Variants in ZCCHC2 observed in about 807,000 individuals in gnomAD.
The protein encoded by ZCCHC2 is zinc finger CCHC-type containing 2, also known as zinc finger CCHC domain-containing protein 2.
In ZCCHC2, 39 loss-of-function variants were observed where a neutral mutation model predicts 103.6. The observed-to-expected ratio is 0.38, with a 90% confidence interval of 0.29 to 0.49. The LOEUF is 0.49. Among genes scored for constraint, ZCCHC2 ranks in the 20% least tolerant of loss-of-function variants. The pLI is 0.96. For missense variants in ZCCHC2, 1,483 were observed against 1,491.0 expected, an observed-to-expected ratio of 0.99 and a Z score of 0.09; for synonymous variants, 687 against 608.9, an observed-to-expected ratio of 1.13 and a Z score of -1.89.
intron 11 of ZCCHC2, among the ~76,000 whole-genome samples, chr18:62,566,540 G>A (rs995103041): frequency 1.3e-5 from 2 of 152,190 alleles, no homozygotes; most frequent in African/African-American, 4.8e-5. Flanking sequence ...TGCCGTGTTT[G>A]TTTTCTAAAA....
At chr18:62,528,665 AC>A (rs1214179202) in intron 1 of ZCCHC2, among the ~76,000 whole-genome samples, 2 of 152,120 alleles carry the variant, frequency 1.3e-5, no homozygotes, top group Non-Finnish European at 2.9e-5. Flanking sequence ...TACTTGATAG[AC>A]CAAGTACTTT....
Position 62,574,895 on chromosome 18 carries a change from A to G in ZCCHC2, c.2814A>G (p.Thr938=). 6.2e-7 allele frequency: 1 copy of G among 1,613,896 alleles called. No homozygotes were observed. Among genetic ancestry groups the G allele is most frequent in the Non-Finnish European group, 8.5e-7 (1 of 1,179,886 alleles). The stretch of plus-strand genomic sequence containing the variant: ...GCCAGAACTCCAGTGTGCTCAGCAC[A>G]GCAGCAACTTCTCCCCAGCCAGCGA... ...LPSQNSSVLS[T]AATSPQPASA... The change falls in exon 13 of 14, where the codon ACA becomes ACG. Residue 938 remains threonine, a synonymous_variant. Transcript: ENST00000269499.
Position 62,563,077 on chromosome 18 carries a change from T to C in ZCCHC2, c.1619T>C (p.Val540Ala). The change falls in exon 9 of 14, where the codon GTG (valine) becomes GCG (alanine). Residue 540 changes from valine to alanine, a missense_variant. By Grantham distance (64) the Val-to-Ala change is moderately conservative. Around this residue, in one of 3 missense-constraint regions of ZCCHC2, gnomAD observed 884 missense variants for 907.5 expected, o/e 0.97. Coordinates refer to ENST00000269499, the MANE Select transcript of ZCCHC2 (RefSeq NM_017742.6). ...CAATATTCTGAACAGAATGGAATTG[T>C]GGATTGGAGGAAGCAAAGCTGTACC... ...TMQYSEQNGIVDWRKQSCTTI... is the reference protein window; with the variant it reads ...TMQYSEQNGIADWRKQSCTTI... The C allele has an allele frequency of 6.2e-7, 1 of 1,614,006 alleles. No homozygotes were observed. The highest frequency in any genetic ancestry group is 1.1e-5 in the South Asian group (1 of 91,082).
intron 12 of ZCCHC2, among the ~76,000 whole-genome samples, chr18:62,572,072 T>G (rs1329499634): frequency 2.0e-5 from 3 of 152,146 alleles, no homozygotes; most frequent in Non-Finnish European, 2.9e-5. Context: ...ATGAGAGGAT[T>G]TTTTTCGTCT....
At chr18:62,553,509 C>T (rs1294809168) in intron 5 of ZCCHC2, among the ~76,000 whole-genome samples, 1 of 151,492 alleles carries the variant, frequency 6.6e-6, no homozygotes, top group African/African-American at 2.4e-5. Context: ...CCAGGCTTAT[C>T]TCAAACTCCT....
chr18:62,525,510 A>G (rs1439224264), intron 1 of ZCCHC2: 1 of 151,986 alleles, frequency 6.6e-6, no homozygotes, highest in Non-Finnish European at 1.5e-5. Flanking sequence ...TTAATTCAGT[A>G]TATATATATC....
rs563522983 is a variant in ZCCHC2 at position 62,529,433 on chromosome 18, G to T, written c.939+5070G>T. On this transcript the variant is annotated intron_variant, in intron 1 of 13. Transcript: ENST00000269499. ...ATTAGCTGTTGCAGGTGAAAGCTCA[G>T]CCTTGTGTGGATGGTGGTGGTAGAG... Among the ~76,000 whole-genome samples the T allele has an allele frequency of 2.6e-5, 4 of 152,272 alleles. No individual in the cohort carries two copies. In the South Asian group the frequency reaches 8.3e-4, roughly 32 times the overall value.
chr18:62,582,464 G>C (rs1255836419), downstream of ZCCHC2, among the ~76,000 whole-genome samples: 3 of 151,370 alleles, frequency 2.0e-5, no homozygotes, highest in Non-Finnish European at 4.4e-5. Flanking sequence ...GATTACTTGA[G>C]GTCAGAAGTT....
intron 8 of ZCCHC2, among the ~76,000 whole-genome samples, chr18:62,561,112 T>A (rs1035007743): frequency 3.9e-5 from 6 of 152,208 alleles, no homozygotes; most frequent in Admixed American, 6.5e-5. Context: ...ACTCATTCCT[T>A]CCTGTGTCTC....
At chr18:62,527,021 C>CA (rs1914452391) in intron 1 of ZCCHC2, 1 of 69,484 alleles carries the variant, frequency 1.4e-5, no homozygotes, top group Non-Finnish European at 3.3e-5. Context: ...CCCCGCCCCC[C>CA]CCCCCCCCGA....
rs927339258 is a variant in ZCCHC2, at chr18:62,578,168, T to C, written c.*1589T>C. On this transcript the variant is annotated 3_prime_UTR_variant, in exon 14 of 14. Transcript: ENST00000269499. ...AACTTTCTTTCAGGGGTGGGAGTTATGGGGAAGGGGTGGGTGTGAAGGGGT... is the reference window on the plus strand; with the variant it reads ...AACTTTCTTTCAGGGGTGGGAGTTACGGGGAAGGGGTGGGTGTGAAGGGGT... 11 of 149,468 alleles carry C rather than the reference T, an allele frequency of 7.4e-5. No homozygotes were observed. Among genetic ancestry groups the C allele is most frequent in the Non-Finnish European group, 8.9e-5 (6 of 67,210 alleles). The allele number at this position is 149,468 out of a possible 1,614,324, so 9.3% of individuals were successfully genotyped here. A position where few individuals can be genotyped will look rare whatever the true frequency, so the allele number is the denominator to read the frequency against.
intron 11 of ZCCHC2, 38 bp from the exon 12 acceptor site, chr18:62,570,065 C>G: frequency 6.6e-7 from 1 of 1,523,496 alleles, no homozygotes; most frequent in Non-Finnish European, 8.8e-7. Flanking sequence ...TTTAAAATGA[C>G]TTAACATGAT....
At chr18:62,557,949 G>A (rs1195438718) in intron 6 of ZCCHC2, among the ~76,000 whole-genome samples, 4 of 151,876 alleles carry the variant, frequency 2.6e-5, no homozygotes, top group Non-Finnish European at 5.9e-5. Flanking sequence ...TCAGCCTAAC[G>A]TTCTTACATA....
chr18:62,536,652 C>T (rs1914942320), intron 1 of ZCCHC2, among the ~76,000 whole-genome samples: 2 of 152,196 alleles, frequency 1.3e-5, no homozygotes, highest in African/African-American at 4.8e-5. Context: ...ATCTCCAGCT[C>T]ATGCAGCGTT....
At chr18:62,536,702 C>T (rs996648662) in intron 1 of ZCCHC2, among the ~76,000 whole-genome samples, 3 of 152,118 alleles carry the variant, frequency 2.0e-5, no homozygotes, top group Admixed American at 1.3e-4. Context: ...ACATAGTCTA[C>T]GTGATTTTAT....
intron 2 of ZCCHC2, among the ~76,000 whole-genome samples, chr18:62,540,669 G>T (rs771174658): frequency 3.3e-5 from 5 of 151,844 alleles, no homozygotes; most frequent in Non-Finnish European, 5.9e-5. Context: ...TACAATGAAG[G>T]TCCTTTTTTT....
chr18:62,566,764 C>G (rs1198229220), intron 11 of ZCCHC2, among the ~76,000 whole-genome samples: 1 of 152,172 alleles, frequency 6.6e-6, no homozygotes, highest in Non-Finnish European at 1.5e-5. Context: ...TCTCTGATGC[C>G]TTTGTTTGCT....
chr18:62,557,994 AG>A (rs1331089735), intron 6 of ZCCHC2, among the ~76,000 whole-genome samples: 2 of 151,502 alleles, frequency 1.3e-5, no homozygotes, highest in Admixed American at 1.3e-4. Flanking sequence ...TACTGTTGTC[AG>A]GGTTCATTTG....
chr18:62,565,633 T>G (rs1916331994), intron 11 of ZCCHC2, among the ~76,000 whole-genome samples: 2 of 152,162 alleles, frequency 1.3e-5, no homozygotes, highest in Non-Finnish European at 2.9e-5. Flanking sequence ...AAGGTTCATT[T>G]GACTTGAGAA....
Sources: allele counts gnomAD v4.1 joint callset (sites outside exome capture counted in the v4.1 genomes callset), GRCh38; gene constraint gnomAD v4.1.1; regional missense constraint gnomAD v4.1.1; transcripts MANE v1.5; gene names NCBI Gene and HGNC (gene_info 2026-07-23, HGNC 2026-07-21).